The following SCUBE1 variants were observed in gnomAD, a reference collection of about 807,000 sequenced individuals.
SCUBE1 encodes signal peptide, CUB and EGF-like domain-containing protein 1.
A neutral mutation model predicts 124.4 loss-of-function variants in SCUBE1; 59 were observed. That is an observed-to-expected ratio of 0.47 (90% confidence interval 0.38 to 0.59). SCUBE1 has a LOEUF of 0.59. Ranked by LOEUF, SCUBE1 falls within the 20% of genes least tolerant of loss-of-function variation. The pLI is 0.00. For synonymous variants in SCUBE1, 545 were observed against 550.9 expected, an observed-to-expected ratio of 0.99 and a Z score of 0.15; for missense variants, 1,150 against 1,371.2, an observed-to-expected ratio of 0.84 and a Z score of 2.55.
At chr22:43,213,207 C>G (rs1343062420) in intron 16 of SCUBE1, 1 of 153,100 alleles carries the variant, frequency 6.5e-6, no homozygotes, top group Non-Finnish European at 1.5e-5. Flanking sequence ...GTTTAGCACC[C>G]TCTCAGCCCA....
intron 6 of SCUBE1, among the ~76,000 whole-genome samples, chr22:43,251,620 C>A (rs371227263): frequency 5.3e-5 from 8 of 151,928 alleles, no homozygotes; most frequent in African/African-American, 1.9e-4. Context: ...GAAGGGACCG[C>A]GGGACAAGGA....
intron 8 of SCUBE1, among the ~76,000 whole-genome samples, 154 bp from the exon 9 acceptor site, chr22:43,229,342 C>T (rs1465235697): frequency 1.3e-5 from 2 of 152,234 alleles, no homozygotes; most frequent in Non-Finnish European, 2.9e-5. Flanking sequence ...AAATGGGAGA[C>T]TCCTTGCTGC....
intron 6 of SCUBE1, among the ~76,000 whole-genome samples, chr22:43,244,289 G>T (rs1268761181): frequency 6.6e-6 from 1 of 152,182 alleles, no homozygotes; most frequent in Non-Finnish European, 1.5e-5. Context: ...GCTGTCCCGA[G>T]CCTTACCCTG....
At chr22:43,326,743 G>A (rs760604680) in intron 2 of SCUBE1, among the ~76,000 whole-genome samples, 10 of 152,064 alleles carry the variant, frequency 6.6e-5, no homozygotes, top group African/African-American at 1.7e-4. Context: ...CAAGATAACC[G>A]TGGGGTTGGA....
intron 3 of SCUBE1, among the ~76,000 whole-genome samples, chr22:43,296,433 T>A (rs1221091106): frequency 6.6e-6 from 1 of 152,160 alleles, no homozygotes; most frequent in Non-Finnish European, 1.5e-5. Context: ...TCATGGTCCT[T>A]CATCTTTATT....
chr22:43,210,883 C>T lies in SCUBE1; in HGVS notation c.2383+39G>A, dbSNP rs762764090. The T allele has an allele frequency of 1.7e-4, 270 of 1,611,744 alleles. 3 individuals carry two copies. The Middle Eastern group carries it at 5.1e-3, about 31-fold the overall frequency. ...CCCCCACAACCTGCCCAGCCCCTCCCGTGTTCCCAGCTTCCCACGGCAGAG... is the reference window on the plus strand; with the variant it reads ...CCCCCACAACCTGCCCAGCCCCTCCTGTGTTCCCAGCTTCCCACGGCAGAG... On this transcript the variant is annotated intron_variant, in intron 18 of 21. Transcript: ENST00000360835. This position sits in a 1 kb window ranked among gnomAD's most constrained non-coding sequence, Gnocchi z 4.5.
At chr22:43,220,416 C>G in intron 14 of SCUBE1, 34 bp downstream of exon 14, 2 of 1,606,544 alleles carry the variant, frequency 1.2e-6, no homozygotes, top group South Asian at 2.2e-5. Context: ...CTCCTTCAGG[C>G]CTGCAGAAGC....
intron 10 of SCUBE1, 54 bp from the exon 11 acceptor site, chr22:43,223,270 G>A (rs2146670304): frequency 4.6e-6 from 7 of 1,527,456 alleles, no homozygotes; most frequent in Non-Finnish European, 4.4e-6. Context: ...GAGGCTTCCT[G>A]GAGCCAGGAG....
chr22:43,217,327 C>CCCA (rs1259381655), intron 15 of SCUBE1, among the ~76,000 whole-genome samples: 1 of 151,336 alleles, frequency 6.6e-6, no homozygotes, highest in Non-Finnish European at 1.5e-5. Flanking sequence ...ACCCCATCCC[C>CCCA]GCAGCCCACT....
At chr22:43,329,215 G>A (rs1173576332) in intron 2 of SCUBE1, among the ~76,000 whole-genome samples, 2 of 152,230 alleles carry the variant, frequency 1.3e-5, no homozygotes, top group African/African-American at 2.4e-5. Context: ...ACAAACTCTC[G>A]TGCTCCTGCC....
chr22:43,251,410 A>G (rs737612), intron 6 of SCUBE1, among the ~76,000 whole-genome samples: 76,156 of 152,118 alleles, frequency 0.5, 19,916 homozygotes, highest in Middle Eastern at 0.65. Context: ...CCTAATCCCC[A>G]GAAACTGTGA....
chr22:43,289,711 C>T (rs539164277), intron 4 of SCUBE1, among the ~76,000 whole-genome samples: 23 of 152,334 alleles, frequency 1.5e-4, no homozygotes, highest in Admixed American at 2.6e-4. Flanking sequence ...CATCTCTGAA[C>T]GCCCTGCCGG....
intron 6 of SCUBE1, among the ~76,000 whole-genome samples, chr22:43,246,107 G>A (rs1386391736): frequency 6.6e-6 from 1 of 152,204 alleles, no homozygotes; most frequent in Non-Finnish European, 1.5e-5. Context: ...CACTTGGTTT[G>A]AGGGGTCCCG....
chr22:43,336,398 A>C (rs1927081255), intron 2 of SCUBE1, among the ~76,000 whole-genome samples: 1 of 152,184 alleles, frequency 6.6e-6, no homozygotes, highest in African/African-American at 2.4e-5. Context: ...CAGGTTGCTC[A>C]TCTAATGTGA....
At chr22:43,229,860 C>T (rs1272804061) in intron 8 of SCUBE1, among the ~76,000 whole-genome samples, 1 of 152,088 alleles carries the variant, frequency 6.6e-6, no homozygotes, top group Non-Finnish European at 1.5e-5. Flanking sequence ...CAAGTCTGTC[C>T]TGGCCATAAA....
intron 3 of SCUBE1, among the ~76,000 whole-genome samples, chr22:43,293,771 C>T (rs2146755046): frequency 6.6e-6 from 1 of 152,326 alleles, no homozygotes; most frequent in Non-Finnish European, 1.5e-5. Flanking sequence ...TGCGCCTTGG[C>T]TTCCCCAGCC....
In SCUBE1 at chr22:43,296,591, C is replaced by T. The variant is rs537077055; in HGVS notation, c.350-5411G>A. Among the ~76,000 whole-genome samples, 116 of 152,286 alleles carry T rather than the reference C, an allele frequency of 7.6e-4. 1 individual carries two copies. The highest frequency in any genetic ancestry group is 6.8e-3 in the Middle Eastern group (2 of 294). ...AAATCCTTTCAACTGGTGAGAGAGA[C>T]GGGGGAGGTAGAGTGGAGAGCGGGC... On this transcript the variant is annotated intron_variant, in intron 3 of 21. Coordinates refer to ENST00000360835, the MANE Select transcript of SCUBE1 (RefSeq NM_173050.5).
At chr22:43,225,929 A>G (rs1160636429) in intron 10 of SCUBE1, among the ~76,000 whole-genome samples, 2 of 152,096 alleles carry the variant, frequency 1.3e-5, no homozygotes, top group Non-Finnish European at 2.9e-5. Context: ...ACAACCCCAA[A>G]CAAGCTCTTT....
At chr22:43,213,610 A>G in intron 16 of SCUBE1, 1 of 152,586 alleles carries the variant, frequency 6.6e-6, no homozygotes, top group Non-Finnish European at 1.5e-5. Context: ...AAATTGAAAA[A>G]GGGCTTTCTA....
Sources: gnomAD v4.1 joint callset for allele counts (sites outside exome capture counted in the v4.1 genomes callset) on GRCh38, gnomAD v4.1.1 for gene constraint, Gnocchi (gnomAD v3.1) non-coding constraint, MANE v1.5 for transcripts, NCBI Gene and HGNC (gene_info 2026-07-23, HGNC 2026-07-21) for gene names.